The following JPH1 variants were observed in gnomAD, a reference collection of about 807,000 sequenced individuals.
The protein encoded by JPH1 is junctophilin 1, also known as junctophilin-1.
Under a neutral mutation model 53.6 loss-of-function variants are expected in JPH1, and 12 were observed. The observed-to-expected ratio is 0.22, with a 90% CI of 0.14 to 0.36. The LOEUF (loss-of-function observed/expected upper bound fraction) is 0.36. JPH1 is among the 10% of genes least tolerant of loss of function. The pLI is 1.00. For missense variants in JPH1, 808 were observed against 905.5 expected (o/e 0.89, Z 1.38); for synonymous variants, 375 against 363.8 (o/e 1.03, Z -0.35).
intron 3 of JPH1, among the ~76,000 whole-genome samples, chr8:74,247,939 T>C (rs1267124570): frequency 6.6e-6 from 1 of 152,156 alleles, no homozygotes; most frequent in Non-Finnish European, 1.5e-5. Flanking sequence ...TCAGTATAGG[T>C]GGATAGGCCA....
chr8:74,276,221 G>T (rs1188516119), intron 2 of JPH1, among the ~76,000 whole-genome samples: 1 of 152,126 alleles, frequency 6.6e-6, no homozygotes, highest in African/African-American at 2.4e-5. Flanking sequence ...CACAGGTCAA[G>T]GTTTTTAGGT....
intron 2 of JPH1, among the ~76,000 whole-genome samples, chr8:74,296,104 G>A (rs567112093): frequency 6.7e-6 from 1 of 149,264 alleles, no homozygotes; most frequent in African/African-American, 2.5e-5. Flanking sequence ...GCCTAATACT[G>A]CCTATTCTAA....
intron 2 of JPH1, among the ~76,000 whole-genome samples, chr8:74,285,604 T>A (rs1039911103): frequency 1.3e-5 from 2 of 149,642 alleles, no homozygotes; most frequent in South Asian, 4.2e-4. Context: ...GACATGAGGC[T>A]ATTTATGATT....
At chr8:74,281,404 C>A (rs35307087) in intron 2 of JPH1, among the ~76,000 whole-genome samples, 51,545 of 151,992 alleles carry the variant, frequency 0.34, 9,132 homozygotes, top group South Asian at 0.49. Flanking sequence ...CCTCAGTGAG[C>A]CAGTTTGGTT....
intron 2 of JPH1, among the ~76,000 whole-genome samples, chr8:74,283,172 A>T (rs1045517274): frequency 6.6e-6 from 1 of 152,140 alleles, no homozygotes; most frequent in Non-Finnish European, 1.5e-5. Context: ...TGCATGGATA[A>T]ATCTTAAAAC....
At chr8:74,267,072 T>C (rs1806553674) in intron 2 of JPH1, among the ~76,000 whole-genome samples, 1 of 152,184 alleles carries the variant, frequency 6.6e-6, no homozygotes, top group South Asian at 2.1e-4. Flanking sequence ...GGTATACAAA[T>C]AAATGACCTC....
At chr8:74,307,582 C>T (rs564160361) in intron 2 of JPH1, among the ~76,000 whole-genome samples, 1 of 152,112 alleles carries the variant, frequency 6.6e-6, no homozygotes, top group Non-Finnish European at 1.5e-5. Flanking sequence ...GTGATTTTGT[C>T]CTAAAATTTC....
intron 3 of JPH1, among the ~76,000 whole-genome samples, chr8:74,256,213 T>C (rs920829569): frequency 3.3e-5 from 5 of 152,046 alleles, no homozygotes; most frequent in Non-Finnish European, 7.4e-5. Flanking sequence ...TATGCAGCCA[T>C]AAAAAATGAT....
intron 2 of JPH1, among the ~76,000 whole-genome samples, chr8:74,263,970 T>C (rs1409803727): frequency 6.6e-6 from 1 of 152,200 alleles, no homozygotes; most frequent in Non-Finnish European, 1.5e-5. Flanking sequence ...AAGAACCAAC[T>C]GGCTCCACAG....
chr8:74,259,277 T>C (rs1806322524), intron 3 of JPH1, 108 bp downstream of exon 3: 3 of 849,852 alleles, frequency 3.5e-6, no homozygotes, highest in South Asian at 3.2e-5. Flanking sequence ...TGTATAATAG[T>C]ACTGCTGGGA....
intron 2 of JPH1, among the ~76,000 whole-genome samples, chr8:74,302,959 G>GAAAAAA (rs34040034): frequency 7.3e-6 from 1 of 136,706 alleles, no homozygotes; most frequent in Non-Finnish European, 1.6e-5. Context: ...GCCAAGAAAA[G>GAAAAAA]AAAAAAAAAA....
intron 2 of JPH1, among the ~76,000 whole-genome samples, chr8:74,270,789 T>C (rs1032476691): frequency 6.6e-6 from 1 of 152,144 alleles, no homozygotes; most frequent in African/African-American, 2.4e-5. Flanking sequence ...TTACCAAGCT[T>C]ATAGGACTTG....
chr8:74,311,820 T>A lies in JPH1; in HGVS notation c.1139+3041A>T, dbSNP rs182550443. ...TTTACTGAGAATGATGAGTTCCAAT[T>A]TCATCCATGTCCCTACAAAGGACAT... On this transcript the variant is annotated intron_variant, in intron 2 of 5. Transcript: ENST00000342232. Among the ~76,000 whole-genome samples the A allele has an allele frequency of 5.1e-3, 780 of 152,098 alleles. 3 individuals are homozygous for A. Among genetic ancestry groups the A allele is most frequent in the African/African-American group, 0.018 (738 of 41,486 alleles).
intron 3 of JPH1, among the ~76,000 whole-genome samples, chr8:74,246,194 C>T (rs1441755170): frequency 6.6e-6 from 1 of 152,166 alleles, no homozygotes; most frequent in Non-Finnish European, 1.5e-5. Flanking sequence ...GACCCTCTTC[C>T]TCACAAATGG....
At chr8:74,264,766 G>A (rs1206649480) in intron 2 of JPH1, among the ~76,000 whole-genome samples, 2 of 152,160 alleles carry the variant, frequency 1.3e-5, no homozygotes, top group Non-Finnish European at 2.9e-5. Flanking sequence ...GAGGAGAGGA[G>A]CCAAGATTCA....
At chr8:74,308,007 C>G (rs1807887563) in intron 2 of JPH1, among the ~76,000 whole-genome samples, 1 of 152,112 alleles carries the variant, frequency 6.6e-6, no homozygotes, top group Non-Finnish European at 1.5e-5. Flanking sequence ...GTCAAGTGAT[C>G]TTGTGAATAA....
At position 74,245,051 on chromosome 8, in the gene JPH1, T is replaced by C; in HGVS notation, c.1383A>G (p.Thr461=). ...ESPHFYRKGT[T]PPRSPEASPK... is the part of the protein sequence containing the mutation. ...GACTTGCCTCAGGAGATCTTGGGGG[T>C]GTCGTGCCTTTGCGATAAAAATGAG... is the stretch of plus-strand genomic sequence containing the variant. The change falls in exon 4 of 6, where the codon ACA becomes ACG. Residue 461 remains threonine, a synonymous_variant. Transcript: ENST00000342232. 2 of 1,613,700 alleles carry C rather than the reference T, an allele frequency of 1.2e-6. No homozygotes were observed. The highest frequency in any genetic ancestry group is 1.3e-5 in the African/African-American group (1 of 74,850).
Position 74,244,712 on chromosome 8 carries a change from G to A in JPH1, c.1722C>T (p.Ser574=), listed in dbSNP as rs758133307. The stretch of plus-strand genomic sequence containing the variant: ...TGTGCACCAGTGCTGAGGAAGACTG[G>A]CTGGATCCATCGCCGTCCTCCACGT... ...PVDVEDGDGS[S]QSSSALVHKP... is the part of the protein sequence containing the mutation. Residue 574 remains serine, a synonymous_variant, in exon 4 of 6, where the codon AGC becomes AGT. Transcript: ENST00000342232. 14 of 1,614,058 alleles carry A rather than the reference G, an allele frequency of 8.7e-6. No homozygotes were observed. Among genetic ancestry groups the A allele is most frequent in the African/African-American group, 1.3e-5 (1 of 74,918 alleles).
At chr8:74,293,680 G>A (rs762910082) in intron 2 of JPH1, among the ~76,000 whole-genome samples, 12 of 152,196 alleles carry the variant, frequency 7.9e-5, no homozygotes, top group Non-Finnish European at 1.5e-4. Flanking sequence ...ACTTGGTGAT[G>A]CAGCTCACAT....
Sources: allele counts gnomAD v4.1 joint callset (sites outside exome capture counted in the v4.1 genomes callset), GRCh38; gene constraint gnomAD v4.1.1; transcripts MANE v1.5; gene names NCBI Gene and HGNC (gene_info 2026-07-23, HGNC 2026-07-21).